The following FRAS1 variants were observed in gnomAD, a reference collection of about 807,000 sequenced individuals.
FRAS1 encodes extracellular matrix organizing protein FRAS1.
Under a neutral mutation model 435.2 loss-of-function variants are expected in FRAS1, and 290 were observed. The ratio of observed to expected loss-of-function variants is 0.67; its 90% CI spans 0.61 to 0.73. FRAS1 has a LOEUF of 0.73. FRAS1 is among the 30% of genes least tolerant of loss of function. The pLI, the probability that FRAS1 is intolerant of heterozygous loss-of-function variation, is 0.00. For missense variants in FRAS1, 4,860 were observed against 5,001.5 expected (o/e 0.97, Z 0.85); for synonymous variants, 1,800 against 1,851.0 (o/e 0.97, Z 0.71).
rs28672928 is a variant in FRAS1 at position 78,210,674 on chromosome 4, C to T, written c.109-26836C>T. 8.3e-3 allele frequency among the ~76,000 whole-genome samples: 1,268 copies of T among 152,180 alleles called. 13 individuals are homozygous for T. Among genetic ancestry groups the T allele is most frequent in the African/African-American group, 0.028 (1,181 of 41,508 alleles). The stretch of plus-strand genomic sequence containing the variant: ...TGTGTCATTGTCCTGCCCTTGTCTA[C>T]GAGAAGGATGATACAATTATGGAAA... On this transcript the variant is annotated intron_variant, in intron 2 of 73. Transcript: ENST00000512123.
At position 78,308,166 on chromosome 4, in the gene FRAS1, C is replaced by T. The variant is rs528765554; in HGVS notation, c.1635C>T (p.Ser545=). The stretch of plus-strand genomic sequence containing the variant: ...TGCTGAGAGATGGCGGCTGTGAGAG[C>T]AGCTGTGGAAAAGGCTTCTACAACA... ...LHVLRDGGCE[S]SCGKGFYNRQ... Residue 545 remains serine (S), a synonymous_variant, in exon 15 of 74, where the codon AGC becomes AGT. Coordinates refer to ENST00000512123, the MANE Select transcript of FRAS1 (RefSeq NM_025074.7). 3.4e-4 allele frequency: 544 copies of T among 1,613,904 alleles called. 5 individuals carry two copies. The East Asian group carries it at 4.7e-3, about 14-fold the overall frequency.
Position 78,537,186 on chromosome 4 carries a change from A to T in FRAS1, c.11284A>T (p.Arg3762Ter). 2.5e-6 allele frequency: 4 copies of T among 1,613,784 alleles called. No homozygotes were observed. The highest frequency in any genetic ancestry group is 3.4e-6 in the Non-Finnish European group (4 of 1,179,822). ...CIQPNKHLKH[R>*]FLLLDRNQPE... ...TCAGCCAAACAAACACCTAAAACAC[A>T]GATTCCTGCTGTTGGTATGCTAAGT... is the stretch of plus-strand genomic sequence containing the variant. Residue 3762 changes from arginine (R) to a stop codon, truncating the protein, a stop_gained, in exon 72 of 74, where the codon AGA (arginine) becomes TGA (stop). Coordinates refer to ENST00000512123, the MANE Select transcript of FRAS1 (RefSeq NM_025074.7). LOFTEE classifies it high-confidence loss of function.
chr4:78,442,618 C>A (rs532782937), intron 41 of FRAS1, among the ~76,000 whole-genome samples: 1 of 152,202 alleles, frequency 6.6e-6, no homozygotes, highest in South Asian at 2.1e-4. Flanking sequence ...TTATGTCAAC[C>A]TGGAATACAT....
intron 2 of FRAS1, among the ~76,000 whole-genome samples, chr4:78,176,916 G>T (rs1721798770): frequency 6.6e-6 from 1 of 152,172 alleles, no homozygotes; most frequent in Non-Finnish European, 1.5e-5. Context: ...ACCTACTCTT[G>T]GCTTTGGTCA....
intron 14 of FRAS1, among the ~76,000 whole-genome samples, chr4:78,290,502 G>T (rs1204416106): frequency 6.6e-6 from 1 of 151,244 alleles, no homozygotes; most frequent in African/African-American, 2.4e-5. Flanking sequence ...TGTCATCCAG[G>T]CTGGAGTACA....
rs568043560 is a variant in FRAS1, at chr4:78,268,221, G to T, written c.981+789G>T. ...GAAAGATCTGGAGCCCTGGGTTTCT[G>T]TGAAGGTATTTTTCTTTCTAGTTCT... On this transcript the variant is annotated intron_variant, in intron 9 of 73. Coordinates refer to ENST00000512123, the MANE Select transcript of FRAS1 (RefSeq NM_025074.7). Among the ~76,000 whole-genome samples, 8 of 152,284 alleles carry T rather than the reference G, an allele frequency of 5.3e-5. No homozygotes were observed. The South Asian group carries it at 1.7e-3, about 32-fold the overall frequency.
In FRAS1 at chr4:78,446,745, C is replaced by T. The variant is rs773713811; in HGVS notation, c.5875C>T (p.Pro1959Ser). 7.4e-6 allele frequency: 12 copies of T among 1,613,084 alleles called. No homozygotes were observed. Among genetic ancestry groups the T allele is most frequent in the Non-Finnish European group, 9.3e-6 (11 of 1,179,624 alleles). ...TAATCAGAGGAAGAACGATGAGCCT[C>T]CCAGGATGACCTTGCAGCCCCTCAG... ...ITIERKNDEP[P>S]RMTLQPLRVQ... The change falls in exon 43 of 74, where the codon CCC becomes TCC. Residue 1959 changes from proline to serine, a missense_variant. By Grantham distance (74) the Pro-to-Ser change is moderately conservative. Coordinates refer to ENST00000512123, the MANE Select transcript of FRAS1 (RefSeq NM_025074.7).
chr4:78,379,136 A>G (rs757803802), intron 26 of FRAS1: 1 of 152,744 alleles, frequency 6.5e-6, no homozygotes, highest in Admixed American at 6.6e-5. Flanking sequence ...CATTTTTAAG[A>G]AAAGGTTGGC....
rs558949123 is a variant in FRAS1, at chr4:78,364,107, G to A, written c.2722+53G>A. 3 of 1,529,078 alleles carry A rather than the reference G, an allele frequency of 2.0e-6. No individual in the cohort carries two copies. The South Asian group carries it at 3.7e-5, about 19-fold the overall frequency. The allele number at this position is 1,529,078 out of a possible 1,614,324, so 94.7% of individuals were successfully genotyped here. A position where few individuals can be genotyped will look rare whatever the true frequency, so the allele number is the denominator to read the frequency against. On this transcript the variant is annotated intron_variant, in intron 22 of 73. Transcript: ENST00000512123. The stretch of plus-strand genomic sequence containing the variant: ...CTTTCCTTCTTTTCCTGCCTTTCTG[G>A]AGCCATTGAAAGAAATGCGAGGTTC...
intron 30 of FRAS1, among the ~76,000 whole-genome samples, chr4:78,405,058 A>T (rs540215225): frequency 6.6e-6 from 1 of 152,292 alleles, no homozygotes; most frequent in African/African-American, 2.4e-5. Context: ...TTAGTACCTA[A>T]TGGGTACTCA....
At position 78,378,842 on chromosome 4, in the gene FRAS1, G is replaced by C. The variant is rs990327121; in HGVS notation, c.3293-884G>C. Among the ~76,000 whole-genome samples the C allele has an allele frequency of 6.6e-5, 10 of 151,934 alleles. 1 individual carries two copies. The highest frequency in any genetic ancestry group is 1.9e-4 in the African/African-American group (8 of 41,292). On this transcript the variant is annotated intron_variant, in intron 26 of 73. Coordinates refer to ENST00000512123, the MANE Select transcript of FRAS1 (RefSeq NM_025074.7). ...GGGTTGTCTTTTCACTTTCTCATGGGTGTCCTTTGAATATAAAAAATTTAC... is the reference window on the plus strand; with the variant it reads ...GGGTTGTCTTTTCACTTTCTCATGGCTGTCCTTTGAATATAAAAAATTTAC...
chr4:78,423,894 C>T (rs1733896935), intron 34 of FRAS1, among the ~76,000 whole-genome samples: 1 of 152,292 alleles, frequency 6.6e-6, no homozygotes, highest in South Asian at 2.1e-4. Context: ...CCACTAAACT[C>T]GCCCGAGTTC....
rs892764144 is a variant in FRAS1 at position 78,407,570 on chromosome 4, C to A, written c.4130-93C>A. On this transcript the variant is annotated intron_variant, in intron 30 of 73. Transcript: ENST00000512123. ...AAATAAAGAAGTACATCATTTCTTT[C>A]TAGTTAAAAAAAAAATGAGTAGTAG... 5.2e-6 allele frequency: 5 copies of A among 970,246 alleles called. No homozygotes were observed. The Admixed American group carries it at 1.1e-4, about 21-fold the overall frequency. The allele number at this position is 970,246 out of a possible 1,614,324, so 60.1% of individuals were successfully genotyped here. A position where few individuals can be genotyped will look rare whatever the true frequency, so the allele number is the denominator to read the frequency against.
At chr4:78,250,789 C>T (rs1725496385) in intron 4 of FRAS1, among the ~76,000 whole-genome samples, 1 of 152,062 alleles carries the variant, frequency 6.6e-6, no homozygotes, top group Non-Finnish European at 1.5e-5. Context: ...GTAGCTTCAC[C>T]AAGTCTAGGT....
At chr4:78,254,084 T>G (rs1010612900) in intron 5 of FRAS1, among the ~76,000 whole-genome samples, 2 of 152,006 alleles carry the variant, frequency 1.3e-5, no homozygotes, top group African/African-American at 4.8e-5. Context: ...ACACCCAGAT[T>G]TTGTTCAGCA....
intron 56 of FRAS1, among the ~76,000 whole-genome samples, chr4:78,480,281 T>C (rs1719972443): frequency 6.6e-6 from 1 of 151,914 alleles, no homozygotes; most frequent in South Asian, 2.1e-4. Flanking sequence ...TTCTACAACA[T>C]GGATGGAAGT....
chr4:78,259,859 T>C (rs1347300557), intron 6 of FRAS1, among the ~76,000 whole-genome samples: 2 of 152,096 alleles, frequency 1.3e-5, no homozygotes, highest in Non-Finnish European at 2.9e-5. Flanking sequence ...TTTAAGTCTT[T>C]AATCCATCTT....
At chr4:78,176,414 A>G (rs1721779640) in intron 2 of FRAS1, among the ~76,000 whole-genome samples, 1 of 152,196 alleles carries the variant, frequency 6.6e-6, no homozygotes, top group Admixed American at 6.5e-5. Flanking sequence ...TGTAAATGTT[A>G]TAAAGAGTTT....
chr4:78,493,864 C>T (rs933538873), intron 59 of FRAS1, among the ~76,000 whole-genome samples: 2 of 152,052 alleles, frequency 1.3e-5, no homozygotes, highest in African/African-American at 4.8e-5. Flanking sequence ...AGTCTGCAAC[C>T]TCAGTGTATG....
Sources: allele counts gnomAD v4.1 joint callset (sites outside exome capture counted in the v4.1 genomes callset), GRCh38; gene constraint gnomAD v4.1.1; transcripts MANE v1.5; gene names NCBI Gene and HGNC (gene_info 2026-07-23, HGNC 2026-07-21).